BOD1L1: variants seen among roughly 807,000 people sequenced by gnomAD.
BOD1L1 encodes the protein biorientation of chromosomes in cell division protein 1-like 1.
Under a neutral mutation model 240.7 loss-of-function variants are expected in BOD1L1, and 86 were observed. The observed-to-expected ratio is 0.36, with a 90% CI of 0.30 to 0.43. BOD1L1 has a LOEUF of 0.43. Among genes scored for constraint, BOD1L1 ranks in the 20% least tolerant of loss-of-function variants. BOD1L1 has a pLI of 1.00. For missense variants in BOD1L1, 3,554 were observed against 3,643.5 expected (o/e 0.98, Z 0.63); for synonymous variants, 1,268 against 1,272.3 (o/e 1.00, Z 0.07).
In BOD1L1 at chr4:13,582,617, CTCAG is replaced by C. The variant is rs759511163; in HGVS notation, c.8518+31_8518+34del. The C allele has an allele frequency of 5.0e-5, 74 of 1,488,108 alleles. No individual in the cohort carries two copies. The Admixed American group carries it at 1.2e-3, about 25-fold the overall frequency. The allele number at this position is 1,488,108 out of a possible 1,614,324, so 92.2% of individuals were successfully genotyped here. A position where few individuals can be genotyped will look rare whatever the true frequency, so the allele number is the denominator to read the frequency against. On this transcript the variant is annotated intron_variant, in intron 18 of 25. Transcript: ENST00000040738. ...AGAGACACGCTGGCTGCTTTGAAGG[CTCAG>C]TCAATTTACCCAAGCAGATATTTTA...
At position 13,599,768 on chromosome 4, in the gene BOD1L1, G is replaced by A. The variant is rs767564968; in HGVS notation, c.7132C>T (p.Leu2378=). 1 of 1,613,988 alleles carries A rather than the reference G, an allele frequency of 6.2e-7. No individual in the cohort carries two copies. The highest frequency in any genetic ancestry group is 8.5e-7 in the Non-Finnish European group (1 of 1,179,890). Residue 2378 remains leucine, a synonymous_variant, in exon 10 of 26, where the codon CTA becomes TTA. Coordinates refer to ENST00000040738, the MANE Select transcript of BOD1L1 (RefSeq NM_148894.3). ...VSKHKVPMPS[L]IAENNCRCPG... Reference sequence around the variant, plus strand: ...CACCGACAGTTATTCTCAGCAATTAGGCTGGGCATGGGGACCTTGTGCTTG... The same window carrying A: ...CACCGACAGTTATTCTCAGCAATTAAGCTGGGCATGGGGACCTTGTGCTTG...
At chr4:13,606,413 C>T (rs1392991324) in intron 9 of BOD1L1, among the ~76,000 whole-genome samples, 4 of 151,984 alleles carry the variant, frequency 2.6e-5, no homozygotes, top group Non-Finnish European at 4.4e-5. Context: ...TGCTTTTTCC[C>T]TCTGGAAATA....
chr4:13,588,768 T>C lies in BOD1L1; in HGVS notation c.8234A>G (p.Asn2745Ser), dbSNP rs375676281. The change falls in exon 15 of 26, where the codon AAC (asparagine) becomes AGC (serine). Residue 2745 changes from asparagine (N) to serine (S), a missense_variant. By Grantham distance (46) the Asn-to-Ser change is conservative. This residue lies in a region of BOD1L1 where 3,393 missense variants were observed against 3,427.1 expected (regional missense o/e 0.99). Coordinates refer to ENST00000040738, the MANE Select transcript of BOD1L1 (RefSeq NM_148894.3). ...KGEISSGRKD[N>S]AEAISGHSVE... The stretch of plus-strand genomic sequence containing the variant: ...ACTGTGACCGCTTATGGCTTCTGCG[T>C]TGTCTTTTCTACCACTGGATATCTC... The C allele has an allele frequency of 1.5e-5, 24 of 1,602,792 alleles. No individual in the cohort carries two copies. The highest frequency in any genetic ancestry group is 1.8e-5 in the Non-Finnish European group (21 of 1,174,592).
chr4:13,611,123 A>C, intron 5 of BOD1L1, 23 bp from the exon 6 acceptor site: 1 of 1,543,016 alleles, frequency 6.5e-7, no homozygotes, highest in Non-Finnish European at 8.9e-7. Flanking sequence ...TAATAGAAAG[A>C]GGAGTATGTC....
intron 25 of BOD1L1, chr4:13,572,778 G>C: frequency 7.8e-7 from 1 of 1,289,782 alleles, no homozygotes; most frequent in Non-Finnish European, 1.0e-6. Context: ...CGATTTCTAG[G>C]AGAAACTGTG....
At chr4:13,585,874 C>T (rs542745477) in intron 17 of BOD1L1, among the ~76,000 whole-genome samples, 4 of 152,278 alleles carry the variant, frequency 2.6e-5, no homozygotes, top group South Asian at 2.1e-4. Context: ...GACTTTGCTC[C>T]TCCTTTGCCT....
chr4:13,573,494 TTTGAGAAAGAGCCTCTATCTA>T (rs1712419429), intron 25 of BOD1L1, among the ~76,000 whole-genome samples: 2 of 127,082 alleles, frequency 1.6e-5, no homozygotes, highest in African/African-American at 5.3e-5. Flanking sequence ...CTTTCTTTCT[TTTGAGAAAGAGCCTCTATCTA>T]TCTATCTTTC....
At chr4:13,609,214 G>A in intron 7 of BOD1L1, 81 bp downstream of exon 7, 1 of 703,104 alleles carries the variant, frequency 1.4e-6, no homozygotes, top group Non-Finnish European at 2.1e-6. Flanking sequence ...TTATATTCAT[G>A]TCTCATAAGT....
chr4:13,605,811 T>C (rs1194996623), intron 9 of BOD1L1, among the ~76,000 whole-genome samples: 3 of 152,174 alleles, frequency 2.0e-5, no homozygotes, highest in African/African-American at 7.2e-5. Flanking sequence ...AAGCTTCAAA[T>C]GTACACAATA....
intron 10 of BOD1L1, 51 bp downstream of exon 10, chr4:13,598,895 T>G: frequency 6.5e-7 from 1 of 1,527,656 alleles, no homozygotes. Flanking sequence ...CACTCTGTTG[T>G]ACAATCATCC....
intron 1 of BOD1L1, chr4:13,625,249 T>A (rs983587012): frequency 2.4e-4 from 36 of 152,338 alleles, no homozygotes; most frequent in African/African-American, 7.9e-4. Context: ...ATTCCATGGT[T>A]CCTGAACTCA....
At position 13,613,536 on chromosome 4, in the gene BOD1L1, C is replaced by T; in HGVS notation, c.1300G>A (p.Glu434Lys). 1 of 1,612,270 alleles carries T rather than the reference C, an allele frequency of 6.2e-7. No individual in the cohort carries two copies. Among genetic ancestry groups the T allele is most frequent in the Non-Finnish European group, 8.5e-7 (1 of 1,178,756 alleles). Reference sequence around the variant, plus strand: ...CCATCTGACGTAATCTCTCCTTCTTCCATGCTATCAGACGTTACAACTTCC... The same window carrying T: ...CCATCTGACGTAATCTCTCCTTCTTTCATGCTATCAGACGTTACAACTTCC... ...EEEVVTSDSM[E>K]EGEITSDDEE... is the part of the protein sequence containing the mutation. Residue 434 changes from glutamate (E) to lysine (K), a missense_variant, in exon 5 of 26, where the codon GAA (glutamate) becomes AAA (lysine). Around this residue, in one of 2 missense-constraint regions of BOD1L1, gnomAD observed 3,393 missense variants for 3,427.1 expected, o/e 0.99. Coordinates refer to ENST00000040738, the MANE Select transcript of BOD1L1 (RefSeq NM_148894.3). This position sits in a 1 kb window ranked among gnomAD's most constrained non-coding sequence, Gnocchi z 4.0.
chr4:13,615,180 A>G (rs1048608492), intron 3 of BOD1L1, 132 bp downstream of exon 3: 1 of 906,846 alleles, frequency 1.1e-6, no homozygotes, highest in Admixed American at 2.8e-5. Flanking sequence ...TGAGGAATTT[A>G]GGTGATATTT....
intron 10 of BOD1L1, among the ~76,000 whole-genome samples, chr4:13,597,893 A>G (rs1037487120): frequency 2.6e-5 from 4 of 152,256 alleles, no homozygotes; most frequent in African/African-American, 9.6e-5. Context: ...AATGAACAAG[A>G]CTAAATCTAT....
At chr4:13,572,979 T>C (rs1367494569) in intron 25 of BOD1L1, 6 of 583,306 alleles carry the variant, frequency 1.0e-5, no homozygotes, top group Non-Finnish European at 1.5e-5. Context: ...TTGGTTTTCC[T>C]GACCACTGCT....
chr4:13,617,230 C>T (rs1433336677), intron 2 of BOD1L1, among the ~76,000 whole-genome samples: 3 of 121,268 alleles, frequency 2.5e-5, no homozygotes, highest in South Asian at 5.6e-4. Context: ...GGCGACAGAG[C>T]GAACTCCGTC....
intron 13 of BOD1L1, among the ~76,000 whole-genome samples, chr4:13,591,567 G>C (rs1232267001): frequency 6.6e-6 from 1 of 152,308 alleles, no homozygotes; most frequent in East Asian, 1.9e-4. Context: ...TTAGTATCTT[G>C]AGAAAAGCTT....
chr4:13,585,255 G>A (rs1404203384), intron 17 of BOD1L1, among the ~76,000 whole-genome samples: 3 of 151,864 alleles, frequency 2.0e-5, no homozygotes, highest in Non-Finnish European at 2.9e-5. Flanking sequence ...TTAGTTCTTC[G>A]GTTACTGGGG....
At chr4:13,619,323 A>AAG (rs1716864540) in intron 2 of BOD1L1, among the ~76,000 whole-genome samples, 1 of 151,146 alleles carries the variant, frequency 6.6e-6, no homozygotes, top group Non-Finnish European at 1.5e-5. Context: ...AAAAAAAAAA[A>AAG]AGTAGAAGAC....
Sources: allele counts gnomAD v4.1 joint callset (sites outside exome capture counted in the v4.1 genomes callset), GRCh38; gene constraint gnomAD v4.1.1; regional missense constraint gnomAD v4.1.1; non-coding constraint Gnocchi (gnomAD v3.1); transcripts MANE v1.5; gene names NCBI Gene and HGNC (gene_info 2026-07-23, HGNC 2026-07-21).